RABGEF1: variants seen among roughly 807,000 people sequenced by gnomAD.
The protein encoded by RABGEF1 is rab5 GDP/GTP exchange factor.
Under a neutral mutation model 57.3 loss-of-function variants are expected in RABGEF1, and 26 were observed. The ratio of observed to expected loss-of-function variants is 0.45; its 90% CI spans 0.33 to 0.63. The LOEUF (loss-of-function observed/expected upper bound fraction) is 0.63. RABGEF1 is among the 20% of genes least tolerant of loss of function. The probability of loss-of-function intolerance (pLI) is 0.02; values close to 1 mark genes in which losing one functional copy is unlikely to be tolerated. For synonymous variants in RABGEF1, 185 were observed against 210.7 expected, an observed-to-expected ratio of 0.88 and a Z score of 1.06; for missense variants, 464 against 607.6, an observed-to-expected ratio of 0.76 and a Z score of 2.48.
chr7:66,795,426 T>G, intron 4 of RABGEF1, 85 bp from the exon 5 acceptor site: 1 of 1,145,276 alleles, frequency 8.7e-7, no homozygotes, highest in Non-Finnish European at 1.3e-6. Flanking sequence ...GTACAAGGAA[T>G]GGCTTTTGGA....
the RABGEF1 span, among the ~76,000 whole-genome samples, chr7:66,656,895 C>T: frequency 6.7e-6 from 1 of 150,194 alleles, no homozygotes; most frequent in South Asian, 2.1e-4. Context: ...GGTTTTAAGC[C>T]AAGAATGGTT....
upstream of RABGEF1, chr7:66,740,624 G>A (rs1172376728): frequency 6.5e-6 from 1 of 152,680 alleles, no homozygotes; most frequent in Non-Finnish European, 1.5e-5. Flanking sequence ...CAGAGTCAAA[G>A]GCCCCGGAAG....
At chr7:66,770,125 A>C (rs1004475881) in intron 1 of RABGEF1, among the ~76,000 whole-genome samples, 6 of 152,104 alleles carry the variant, frequency 3.9e-5, no homozygotes, top group African/African-American at 1.4e-4. Context: ...TATGAGCTTC[A>C]TGAGGGTAAG....
At chr7:66,745,063 G>T (rs1799887874) in intron 1 of RABGEF1, among the ~76,000 whole-genome samples, 1 of 151,992 alleles carries the variant, frequency 6.6e-6, no homozygotes, top group African/African-American at 2.4e-5. Flanking sequence ...ATGGTTGCAG[G>T]CGCCTGTAGT....
At chr7:66,754,769 C>T (rs2129068934) in intron 1 of RABGEF1, among the ~76,000 whole-genome samples, 1 of 152,316 alleles carries the variant, frequency 6.6e-6, no homozygotes, top group Non-Finnish European at 1.5e-5. Flanking sequence ...TTTTGTATTT[C>T]TCTAAACCAG....
chr7:66,758,039 G>C (rs1480124699), intron 1 of RABGEF1, among the ~76,000 whole-genome samples: 2 of 152,024 alleles, frequency 1.3e-5, no homozygotes, highest in African/African-American at 2.4e-5. Flanking sequence ...TCTTAACTGA[G>C]GTCAAAGGAT....
chr7:66,756,505 T>C (rs10235037), intron 1 of RABGEF1, among the ~76,000 whole-genome samples: 14,590 of 152,214 alleles, frequency 0.096, 786 homozygotes, highest in Non-Finnish European at 0.11. Context: ...ATCAAAGATT[T>C]ATAAATTGTG....
intron 3 of RABGEF1, among the ~76,000 whole-genome samples, chr7:66,780,738 T>G (rs553401235): frequency 6.6e-6 from 1 of 152,326 alleles, no homozygotes; most frequent in Non-Finnish European, 1.5e-5. Flanking sequence ...ATATATATAT[T>G]TAGGGTTGCT....
At chr7:66,701,388 G>C (rs1232625537) in intron 1 of RABGEF1, among the ~76,000 whole-genome samples, 1 of 152,094 alleles carries the variant, frequency 6.6e-6, no homozygotes, top group Non-Finnish European at 1.5e-5. Context: ...AGTAGCCCCA[G>C]CTACTAGGGA....
Position 66,730,526 on chromosome 7 carries a change from C to G in RABGEF1, c.-814-9470C>G, listed in dbSNP as rs992466866. 5.9e-5 allele frequency among the ~76,000 whole-genome samples: 9 copies of G among 151,506 alleles called. No individual in the cohort carries two copies. The East Asian group carries it at 9.6e-4, about 16-fold the overall frequency. On this transcript the variant is annotated intron_variant and NMD_transcript_variant, in intron 2 of 9. Transcript: ENST00000607882. ...GTAGAGTCTATGCAGATTACCTGAG[C>G]TCATTCACATATAGCACTTGGTTTC...
intron 1 of RABGEF1, among the ~76,000 whole-genome samples, chr7:66,686,193 A>ATC (rs1484148517): frequency 6.6e-6 from 1 of 151,940 alleles, no homozygotes; most frequent in East Asian, 1.9e-4. Context: ...AGGCACAAGA[A>ATC]TCTCTTGAAC....
intron 1 of RABGEF1, among the ~76,000 whole-genome samples, chr7:66,682,522 C>G (rs1321798475): frequency 6.6e-6 from 1 of 152,218 alleles, no homozygotes; most frequent in Non-Finnish European, 1.5e-5. Context: ...CGTGCCCCGA[C>G]GGCCTGACCT....
At chr7:66,805,014 A>T in intron 7 of RABGEF1, 126 bp from the exon 8 acceptor site, 1 of 1,079,078 alleles carries the variant, frequency 9.3e-7, no homozygotes, top group Non-Finnish European at 1.3e-6. Flanking sequence ...TTATATACTA[A>T]GTTAACTGCT....
At chr7:66,710,684 G>T (rs1278225171) in intron 1 of RABGEF1, among the ~76,000 whole-genome samples, 2 of 152,216 alleles carry the variant, frequency 1.3e-5, no homozygotes, top group African/African-American at 4.8e-5. Flanking sequence ...CTTCTTTGGA[G>T]AAATGTCTGT....
At chr7:66,664,468 C>G in the RABGEF1 span, among the ~76,000 whole-genome samples, 2,187 of 151,752 alleles carry the variant, frequency 0.014, 59 homozygotes, top group East Asian at 0.092. Context: ...TGGAGTGCCC[C>G]TGTAGTCCCA....
At chr7:66,698,667 A>C (rs539964196) in intron 1 of RABGEF1, among the ~76,000 whole-genome samples, 1 of 152,070 alleles carries the variant, frequency 6.6e-6, no homozygotes, top group Admixed American at 6.6e-5. Flanking sequence ...CCCCTGTGAA[A>C]ATGCATTGTC....
the RABGEF1 span, among the ~76,000 whole-genome samples, chr7:66,674,291 G>A: frequency 6.6e-6 from 1 of 151,488 alleles, no homozygotes; most frequent in Non-Finnish European, 1.5e-5. Flanking sequence ...CCAGGTTGAA[G>A]CAGTTCCCCT....
chr7:66,764,540 A>C (rs1280528204), intron 1 of RABGEF1, among the ~76,000 whole-genome samples: 1 of 152,190 alleles, frequency 6.6e-6, no homozygotes, highest in African/African-American at 2.4e-5. Context: ...ATCCAATATC[A>C]TGAAAATTTT....
At chr7:66,718,145 C>T (rs1795612209) in intron 2 of RABGEF1, among the ~76,000 whole-genome samples, 1 of 152,090 alleles carries the variant, frequency 6.6e-6, no homozygotes, top group African/African-American at 2.4e-5. Context: ...GAGTTCGAGA[C>T]CAGCCTGGCC....
Sources: allele counts gnomAD v4.1 joint callset (sites outside exome capture counted in the v4.1 genomes callset), GRCh38; gene constraint gnomAD v4.1.1; transcripts MANE v1.5; gene names NCBI Gene and HGNC (gene_info 2026-07-23, HGNC 2026-07-21).